The following CTNND2 variants were observed in gnomAD, a reference collection of about 807,000 sequenced individuals.
The protein encoded by CTNND2 is catenin delta-2.
In CTNND2, 22 loss-of-function variants were observed where a neutral mutation model predicts 144.4. That is an observed-to-expected ratio of 0.15 (90% CI 0.11 to 0.22). The LOEUF is 0.22. Among genes scored for constraint, CTNND2 ranks in the 10% least tolerant of loss-of-function variants. CTNND2 has a pLI of 1.00. For synonymous variants in CTNND2, 751 were observed against 695.6 expected, an observed-to-expected ratio of 1.08 and a Z score of -1.25; for missense variants, 1,353 against 1,618.8, an observed-to-expected ratio of 0.84 and a Z score of 2.82.
Position 11,429,451 on chromosome 5 carries a change from G to A in CTNND2, c.288-17382C>T, listed in dbSNP as rs1307512681. Among the ~76,000 whole-genome samples, 4 of 146,776 alleles carry A rather than the reference G, an allele frequency of 2.7e-5. No homozygotes were observed. In the South Asian group the frequency reaches 6.2e-4, roughly 23 times the overall value. ...TGCCCACGTGTTTGTTTAAGGCGCC[G>A]GGGCAGAGCAGGACCCGGAGTGAGC... On this transcript the variant is annotated intron_variant, in intron 3 of 21. Coordinates refer to ENST00000304623, the MANE Select transcript of CTNND2 (RefSeq NM_001332.4).
intron 1 of CTNND2, among the ~76,000 whole-genome samples, chr5:11,765,915 G>A (rs1486498858): frequency 1.3e-5 from 2 of 152,146 alleles, no homozygotes; most frequent in Non-Finnish European, 2.9e-5. Context: ...TATACACTGT[G>A]GATTCTGTAT....
At chr5:11,075,034 A>G (rs1273332951) in intron 16 of CTNND2, among the ~76,000 whole-genome samples, 6 of 151,238 alleles carry the variant, frequency 4.0e-5, no homozygotes, top group Admixed American at 3.3e-4. Context: ...AATGATTTTT[A>G]CTACTTAAAA....
chr5:11,411,832 T>C (rs776745561), intron 4 of CTNND2, among the ~76,000 whole-genome samples, 180 bp from the exon 5 acceptor site: 22 of 152,244 alleles, frequency 1.4e-4, no homozygotes, highest in Non-Finnish European at 4.4e-5. Flanking sequence ...AGCAATTTCA[T>C]GTACCCTTGA....
intron 16 of CTNND2, among the ~76,000 whole-genome samples, chr5:11,042,286 T>C (rs746167637): frequency 5.9e-5 from 9 of 152,176 alleles, no homozygotes; most frequent in Non-Finnish European, 8.8e-5. Context: ...GAAAAAGGGA[T>C]GGTCAGAGAA....
intron 18 of CTNND2, among the ~76,000 whole-genome samples, chr5:11,004,017 C>A (rs909631473): frequency 5.9e-5 from 9 of 152,106 alleles, no homozygotes; most frequent in African/African-American, 2.2e-4. Flanking sequence ...TCTAAAGAAC[C>A]AGTGTAACCA....
chr5:11,334,888 G>A (rs1422652083), intron 9 of CTNND2, among the ~76,000 whole-genome samples: 1 of 152,204 alleles, frequency 6.6e-6, no homozygotes, highest in African/African-American at 2.4e-5. Context: ...ATATATTGAA[G>A]TGTCCCTAGA....
In CTNND2 at chr5:11,644,337, ATTG is replaced by A. The variant is rs551133110; in HGVS notation, c.175-79284_175-79282del. Among the ~76,000 whole-genome samples, 396 of 152,330 alleles carry A rather than the reference ATTG, an allele frequency of 2.6e-3. 1 individual carries two copies. Among genetic ancestry groups the A allele is most frequent in the African/African-American group, 9.0e-3 (374 of 41,584 alleles). On this transcript the variant is annotated intron_variant, in intron 2 of 21. Transcript: ENST00000304623. Reference sequence around the variant, plus strand: ...TAAACATCTAGAAATTACAACAGTAATTGTTATGTCCAACTACTATAAGAGTTA... The same window carrying A: ...TAAACATCTAGAAATTACAACAGTAATTATGTCCAACTACTATAAGAGTTA...
intron 3 of CTNND2, among the ~76,000 whole-genome samples, chr5:11,445,419 G>A (rs930098619): frequency 1.3e-5 from 2 of 152,132 alleles, no homozygotes; most frequent in African/African-American, 4.8e-5. Flanking sequence ...TCGTTCTAGG[G>A]GACACAATTT....
At chr5:11,799,730 A>G (rs771558924) in intron 1 of CTNND2, among the ~76,000 whole-genome samples, 1 of 152,198 alleles carries the variant, frequency 6.6e-6, no homozygotes, top group African/African-American at 2.4e-5. Flanking sequence ...AAACATAATG[A>G]AACAGCATTC....
chr5:11,748,740 T>C (rs1323663897), intron 1 of CTNND2, among the ~76,000 whole-genome samples: 1 of 152,100 alleles, frequency 6.6e-6, no homozygotes, highest in African/African-American at 2.4e-5. Context: ...TGCTTATTAT[T>C]TGTTACTATC....
intron 11 of CTNND2, among the ~76,000 whole-genome samples, chr5:11,188,814 C>T (rs536742811): frequency 9.2e-5 from 14 of 152,118 alleles, no homozygotes; most frequent in Admixed American, 3.3e-4. Flanking sequence ...GAACACTTAA[C>T]TCCAGATTTC....
intron 9 of CTNND2, among the ~76,000 whole-genome samples, chr5:11,257,506 G>C (rs1561106055): frequency 6.6e-6 from 1 of 152,150 alleles, no homozygotes; most frequent in East Asian, 1.9e-4. Flanking sequence ...CCCTTCATAG[G>C]GCAGCAGGAG....
rs116017018 is a variant in CTNND2, at chr5:11,593,092, C to T, written c.175-28036G>A. ...AATCAACTCCATCTGGAGTGAAGGG[C>T]TAGATGTGAAAGATTAAATGAAAAT... On this transcript the variant is annotated intron_variant, in intron 2 of 21. Coordinates refer to ENST00000304623, the MANE Select transcript of CTNND2 (RefSeq NM_001332.4). Among the ~76,000 whole-genome samples, 1,020 of 152,058 alleles carry T rather than the reference C, an allele frequency of 6.7e-3. 4 individuals are homozygous for T. Among genetic ancestry groups the T allele is most frequent in the Non-Finnish European group, 0.011 (733 of 67,994 alleles).
At chr5:11,460,425 AT>A (rs1200355714) in intron 3 of CTNND2, among the ~76,000 whole-genome samples, 7 of 152,328 alleles carry the variant, frequency 4.6e-5, no homozygotes, top group African/African-American at 1.4e-4. Context: ...AATAACCTAA[AT>A]GTTGAGACAC....
At chr5:11,445,880 C>A (rs923484741) in intron 3 of CTNND2, among the ~76,000 whole-genome samples, 1 of 152,168 alleles carries the variant, frequency 6.6e-6, no homozygotes, top group Non-Finnish European at 1.5e-5. Context: ...AACAATTAAA[C>A]GTAAATGTAA....
At chr5:11,159,811 C>G in intron 11 of CTNND2, 52 bp from the exon 12 acceptor site, 1 of 1,402,960 alleles carries the variant, frequency 7.1e-7, no homozygotes, top group Non-Finnish European at 9.7e-7. Context: ...TTTTTCTCAT[C>G]TCCAAAACTG....
intron 9 of CTNND2, among the ~76,000 whole-genome samples, chr5:11,239,669 G>A (rs1366429210): frequency 2.6e-5 from 4 of 152,198 alleles, no homozygotes; most frequent in East Asian, 1.9e-4. Flanking sequence ...TGCTGGGCTC[G>A]CCCACTCCTG....
At chr5:11,450,803 CAGG>C (rs1308859115) in intron 3 of CTNND2, among the ~76,000 whole-genome samples, 1 of 146,664 alleles carries the variant, frequency 6.8e-6, no homozygotes, top group Non-Finnish European at 1.5e-5. Flanking sequence ...GAGGCTGAGG[CAGG>C]AGAATCACTT....
At chr5:11,508,277 A>C (rs1307746306) in intron 3 of CTNND2, 1 of 152,124 alleles carries the variant, frequency 6.6e-6, no homozygotes, top group Non-Finnish European at 1.5e-5. Context: ...TTCTCTCTTC[A>C]ACACACTGCA....
Sources: allele counts gnomAD v4.1 joint callset (sites outside exome capture counted in the v4.1 genomes callset), GRCh38; gene constraint gnomAD v4.1.1; transcripts MANE v1.5; gene names NCBI Gene and HGNC (gene_info 2026-07-23, HGNC 2026-07-21).